The following PABPC1L variants were observed in gnomAD, a reference collection of about 807,000 sequenced individuals.
PABPC1L encodes poly(A) binding protein cytoplasmic 1 like, also known as polyadenylate-binding protein 1-like.
A neutral mutation model predicts 66.6 loss-of-function variants in PABPC1L; 31 were observed. That is an observed-to-expected ratio of 0.47 (90% CI 0.35 to 0.63). PABPC1L has a LOEUF of 0.63. Ranked by LOEUF, PABPC1L falls within the 20% of genes least tolerant of loss-of-function variation. The probability of loss-of-function intolerance (pLI) is 0.00; values close to 1 mark genes in which losing one functional copy is unlikely to be tolerated. For synonymous variants in PABPC1L, 348 were observed against 335.1 expected (o/e 1.04, Z -0.42); for missense variants, 722 against 848.8 (o/e 0.85, Z 1.86).
At chr20:44,934,951 C>G (rs1377545376) in intron 10 of PABPC1L, among the ~76,000 whole-genome samples, 1 of 151,910 alleles carries the variant, frequency 6.6e-6, no homozygotes, top group Non-Finnish European at 1.5e-5. Flanking sequence ...GCTTGTAATC[C>G]CAGCTACTTG....
chr20:44,936,066 A>G (rs991906724), intron 11 of PABPC1L, among the ~76,000 whole-genome samples: 6 of 151,734 alleles, frequency 4.0e-5, no homozygotes, highest in Non-Finnish European at 8.8e-5. Flanking sequence ...TTGAACTCCT[A>G]GGCTCAAGTG....
intron 3 of PABPC1L, 76 bp downstream of exon 3, chr20:44,916,947 T>C (rs2066742174): frequency 7.1e-7 from 1 of 1,409,464 alleles, no homozygotes; most frequent in African/African-American, 1.4e-5. Flanking sequence ...GAATCGATGC[T>C]ACCCTCAAGC....
intron 2 of PABPC1L, among the ~76,000 whole-genome samples, chr20:44,915,799 C>CA (rs3091602): frequency 0.022 from 2,481 of 115,320 alleles, 89 homozygotes; most frequent in Admixed American, 0.11. Flanking sequence ...AACTCTATCT[C>CA]AAAAAAAAAA....
intron 7 of PABPC1L, among the ~76,000 whole-genome samples, chr20:44,929,073 A>G (rs1388053480): frequency 6.6e-6 from 1 of 151,552 alleles, no homozygotes; most frequent in East Asian, 1.9e-4. Flanking sequence ...AGCCTGGGCA[A>G]CATAGTGATT....
chr20:44,928,566 G>T (rs559400413), intron 7 of PABPC1L, among the ~76,000 whole-genome samples: 257 of 152,136 alleles, frequency 1.7e-3, no homozygotes, highest in Non-Finnish European at 2.9e-3. Context: ...ACCTACCTGA[G>T]GGGGATCCAT....
rs776025257 is a variant in PABPC1L at position 44,938,158 on chromosome 20, C to T, written c.1758C>T (p.Leu586=). 7 of 1,614,154 alleles carry T rather than the reference C, an allele frequency of 4.3e-6. No individual in the cohort carries two copies. Among genetic ancestry groups the T allele is most frequent in the South Asian group, 3.3e-5 (3 of 91,080 alleles). The change falls in exon 13 of 15, where the codon CTC becomes CTT. Residue 586 remains leucine (L), a synonymous_variant. Coordinates refer to ENST00000217073, the MANE Select transcript of PABPC1L (RefSeq NM_001372179.1). ...AGATTGACAACTCAGAGCTGTTGCT[C>T]ATGCTGGAGTCTCCAGAATCCCTCC... is the stretch of plus-strand genomic sequence containing the variant. ...LLEIDNSELL[L]MLESPESLHA... is the part of the protein sequence containing the mutation.
chr20:44,919,430 T>G (rs557578242), intron 5 of PABPC1L, among the ~76,000 whole-genome samples, 153 bp downstream of exon 5: 1 of 152,210 alleles, frequency 6.6e-6, no homozygotes, highest in African/African-American at 2.4e-5. Context: ...CCCTTCCTTC[T>G]GTGGTCAAAG....
intron 7 of PABPC1L, among the ~76,000 whole-genome samples, chr20:44,930,028 A>G (rs1054477836): frequency 2.0e-5 from 3 of 152,130 alleles, no homozygotes; most frequent in Admixed American, 6.5e-5. Flanking sequence ...GTGACCCCAG[A>G]CAAGTCACTC....
intron 6 of PABPC1L, 101 bp from the exon 7 acceptor site, chr20:44,924,060 G>A (rs1432938736): frequency 4.3e-6 from 4 of 931,042 alleles, no homozygotes; most frequent in African/African-American, 3.2e-5. Context: ...GGCTGGTGGG[G>A]CTCCCCATGC....
chr20:44,926,288 G>A (rs1210922698), intron 7 of PABPC1L, among the ~76,000 whole-genome samples: 1 of 152,054 alleles, frequency 6.6e-6, no homozygotes, highest in Admixed American at 6.6e-5. Flanking sequence ...GTGCAGTGGC[G>A]CCATCTCGGC....
intron 1 of PABPC1L, among the ~76,000 whole-genome samples, chr20:44,910,941 A>G (rs1390598103): frequency 6.6e-6 from 1 of 152,216 alleles, no homozygotes; most frequent in Non-Finnish European, 1.5e-5. Context: ...AGCTTGTCCG[A>G]TGAGTTTGCC....
intron 7 of PABPC1L, among the ~76,000 whole-genome samples, chr20:44,925,121 G>A (rs190816702): frequency 7.7e-4 from 115 of 149,062 alleles, no homozygotes; most frequent in Non-Finnish European, 7.8e-4. Flanking sequence ...GCTGAGGCAG[G>A]AGAATGGCAT....
intron 6 of PABPC1L, 100 bp downstream of exon 6, chr20:44,921,831 G>T: frequency 1.3e-6 from 2 of 1,554,194 alleles, no homozygotes. Flanking sequence ...CCTACTTCTG[G>T]GCACTTGGCT....
intron 7 of PABPC1L, among the ~76,000 whole-genome samples, chr20:44,927,577 G>C (rs1043773592): frequency 1.3e-5 from 2 of 152,056 alleles, no homozygotes; most frequent in Admixed American, 1.3e-4. Flanking sequence ...TCGAACTTCT[G>C]ACCTCAGGTG....
At chr20:44,927,568 C>T (rs1409359731) in intron 7 of PABPC1L, among the ~76,000 whole-genome samples, 5 of 151,510 alleles carry the variant, frequency 3.3e-5, no homozygotes, top group East Asian at 2.0e-4. Flanking sequence ...AGGCTGGTCT[C>T]GAACTTCTGA....
At chr20:44,926,569 A>G (rs995571710) in intron 7 of PABPC1L, among the ~76,000 whole-genome samples, 1 of 146,964 alleles carries the variant, frequency 6.8e-6, no homozygotes, top group Admixed American at 6.9e-5. Context: ...ATTTTGAGAT[A>G]GAGTTTCCTT....
intron 8 of PABPC1L, 65 bp downstream of exon 8, chr20:44,930,791 G>A: frequency 6.4e-7 from 1 of 1,560,918 alleles, no homozygotes; most frequent in South Asian, 1.2e-5. Flanking sequence ...AGAGCATGAA[G>A]ACTAGAGTTC....
At chr20:44,938,353 A>G (rs1357534766) in intron 13 of PABPC1L, among the ~76,000 whole-genome samples, 162 bp downstream of exon 13, 1 of 152,240 alleles carries the variant, frequency 6.6e-6, no homozygotes, top group Non-Finnish European at 1.5e-5. Flanking sequence ...AAGGGGCCTT[A>G]GGTAAGGGTT....
intron 12 of PABPC1L, chr20:44,937,796 A>C: frequency 2.3e-6 from 1 of 442,128 alleles, no homozygotes; most frequent in Non-Finnish European, 4.0e-6. Flanking sequence ...CACTTTCTTC[A>C]TGGGACGATC....
Sources: gnomAD v4.1 joint callset for allele counts (sites outside exome capture counted in the v4.1 genomes callset) on GRCh38, gnomAD v4.1.1 for gene constraint, MANE v1.5 for transcripts, NCBI Gene and HGNC (gene_info 2026-07-23, HGNC 2026-07-21) for gene names.